Variants in MRTFA observed in about 807,000 individuals in gnomAD.
MRTFA encodes myocardin-related transcription factor A.
A neutral mutation model predicts 83.5 loss-of-function variants in MRTFA; 20 were observed. That is an observed-to-expected ratio of 0.24 (90% CI 0.17 to 0.35). MRTFA has a LOEUF of 0.35. Among genes scored for constraint, MRTFA ranks in the 10% least tolerant of loss-of-function variants. The probability of loss-of-function intolerance (pLI) is 1.00; values close to 1 mark genes in which losing one functional copy is unlikely to be tolerated. For synonymous variants in MRTFA, 659 were observed against 541.2 expected (o/e 1.22, Z -3.02); for missense variants, 1,200 against 1,224.7 (o/e 0.98, Z 0.30).
chr22:40,546,441 G>C (rs1200604139), intron 3 of MRTFA, among the ~76,000 whole-genome samples: 1 of 152,210 alleles, frequency 6.6e-6, no homozygotes, highest in Non-Finnish European at 1.5e-5. Flanking sequence ...TGGAGGAAAA[G>C]TTTCAAGTCT....
chr22:40,436,796 G>A (rs964634906), intron 4 of MRTFA, among the ~76,000 whole-genome samples: 1 of 152,214 alleles, frequency 6.6e-6, no homozygotes, highest in East Asian at 1.9e-4. Flanking sequence ...CCAAAGAGCT[G>A]TGAAACTGCG....
At chr22:40,581,244 C>A (rs2055942524) in intron 2 of MRTFA, among the ~76,000 whole-genome samples, 1 of 152,170 alleles carries the variant, frequency 6.6e-6, no homozygotes, top group Admixed American at 6.6e-5. Flanking sequence ...TTATCCATTT[C>A]TCTGTAGCTT....
At chr22:40,604,465 C>T (rs1304178516) in intron 1 of MRTFA, among the ~76,000 whole-genome samples, 4 of 151,006 alleles carry the variant, frequency 2.6e-5, no homozygotes, top group Non-Finnish European at 5.9e-5. Context: ...TACCTAAATA[C>T]TGGCCAAGCG....
chr22:40,508,513 CAAAAAAAAAAAAAAAA>C (rs1175724448), intron 3 of MRTFA, among the ~76,000 whole-genome samples: 1 of 26,040 alleles, frequency 3.8e-5, no homozygotes, highest in South Asian at 2.1e-3. Context: ...CTCCGTCTCT[CAAAAAAAAAAAAAAAA>C]AAAAAAAAAA....
chr22:40,621,094 T>C (rs1377156757), intron 1 of MRTFA, among the ~76,000 whole-genome samples: 2 of 151,588 alleles, frequency 1.3e-5, no homozygotes. Flanking sequence ...GGCAGGAGAA[T>C]TGCTTGAGCC....
intron 4 of MRTFA, among the ~76,000 whole-genome samples, chr22:40,457,143 T>G (rs1365761883): frequency 1.3e-5 from 2 of 152,150 alleles, no homozygotes; most frequent in Non-Finnish European, 2.9e-5. Context: ...GGTGGGCAGA[T>G]CACCTGAGGT....
intron 3 of MRTFA, among the ~76,000 whole-genome samples, chr22:40,466,895 G>A (rs2053820256): frequency 6.6e-6 from 1 of 151,978 alleles, no homozygotes; most frequent in Non-Finnish European, 1.5e-5. Context: ...CAAGTTTTCT[G>A]TGGAGATTAC....
At chr22:40,555,273 T>C (rs777295612) in intron 2 of MRTFA, among the ~76,000 whole-genome samples, 1 of 152,210 alleles carries the variant, frequency 6.6e-6, no homozygotes, top group Non-Finnish European at 1.5e-5. Flanking sequence ...CTGATATTTG[T>C]CCCACCCAAA....
rs776339457 is a variant in MRTFA, at chr22:40,419,283, G to T, written c.1455C>A (p.Ser485Arg). 5.0e-6 allele frequency: 8 copies of T among 1,613,718 alleles called. No homozygotes were observed. The highest frequency in any genetic ancestry group is 6.8e-6 in the Non-Finnish European group (8 of 1,179,960). The change falls in exon 12 of 15, where the codon AGC becomes AGA. Residue 485 changes from serine (S) to arginine (R), a missense_variant. Around this residue, in one of 2 missense-constraint regions of MRTFA, gnomAD observed 1,107 missense variants for 1,041.8 expected, o/e 1.06. Coordinates refer to ENST00000355630, the MANE Select transcript of MRTFA (RefSeq NM_020831.6). ...GGGCCTTGGGGGCTCCTGGCACAGG[G>T]CTGATTTGGTCTTGATAGGCTCGAA...
rs55787923 is a variant in MRTFA, at chr22:40,563,503, G to GAA, written c.-21-11138_-21-11137dup. 6.5e-3 allele frequency among the ~76,000 whole-genome samples: 582 copies of GAA among 89,874 alleles called. 4 individuals carry two copies. The highest frequency in any genetic ancestry group is 0.039 in the Middle Eastern group (6 of 154). The allele number at this position is 89,874 out of a possible 152,430, so 59.0% of individuals were successfully genotyped here. A position where few individuals can be genotyped will look rare whatever the true frequency, so the allele number is the denominator to read the frequency against. On this transcript the variant is annotated intron_variant, in intron 2 of 14. Coordinates refer to ENST00000355630, the MANE Select transcript of MRTFA (RefSeq NM_020831.6). ...TATATACAAAGTCAGCACAGATACA[G>GAA]AAAAAAAAAAAAAAAAAGGAAAGAG...
chr22:40,459,400 C>T (rs1341923913), intron 4 of MRTFA, among the ~76,000 whole-genome samples: 1 of 152,068 alleles, frequency 6.6e-6, no homozygotes, highest in Non-Finnish European at 1.5e-5. Flanking sequence ...CTACTTCCTT[C>T]TCTAGAAAAG....
At chr22:40,517,406 G>A (rs1288788940) in intron 3 of MRTFA, among the ~76,000 whole-genome samples, 1 of 152,132 alleles carries the variant, frequency 6.6e-6, no homozygotes, top group Non-Finnish European at 1.5e-5. Flanking sequence ...CCTATCAACA[G>A]CTAACATACA....
chr22:40,611,621 A>G (rs554518052), intron 1 of MRTFA, among the ~76,000 whole-genome samples: 8 of 152,330 alleles, frequency 5.3e-5, no homozygotes, highest in African/African-American at 1.9e-4. Context: ...AGCATGGGAC[A>G]GGAAAGCTGT....
chr22:40,509,493 A>G (rs949717391), intron 3 of MRTFA, among the ~76,000 whole-genome samples: 2 of 152,202 alleles, frequency 1.3e-5, no homozygotes, highest in Non-Finnish European at 1.5e-5. Flanking sequence ...GCCTAAGGCT[A>G]TTTTCCCTAA....
At chr22:40,447,261 G>A (rs1311152420) in intron 4 of MRTFA, among the ~76,000 whole-genome samples, 2 of 151,874 alleles carry the variant, frequency 1.3e-5, no homozygotes, top group East Asian at 1.9e-4. Context: ...GCCGAGGCAG[G>A]AGGACTGTTT....
At chr22:40,486,296 T>G (rs1389046219) in intron 3 of MRTFA, among the ~76,000 whole-genome samples, 1 of 152,206 alleles carries the variant, frequency 6.6e-6, no homozygotes, top group Non-Finnish European at 1.5e-5. Context: ...GAACAGGAAA[T>G]GATTCGATTA....
At chr22:40,561,193 T>C (rs1348851257) in intron 2 of MRTFA, among the ~76,000 whole-genome samples, 1 of 143,936 alleles carries the variant, frequency 6.9e-6, no homozygotes, top group Non-Finnish European at 1.5e-5. Context: ...GGTATGGGTA[T>C]CTCTGTGTGT....
chr22:40,457,494 GAA>G (rs2053616667), intron 4 of MRTFA, among the ~76,000 whole-genome samples: 1 of 150,784 alleles, frequency 6.6e-6, no homozygotes, highest in East Asian at 2.0e-4. Context: ...AAGAAGGAAA[GAA>G]AGAAAGAGAA....
At chr22:40,620,423 CTTTTTTTTTTT>C (rs747409456) in intron 1 of MRTFA, among the ~76,000 whole-genome samples, 1 of 94,180 alleles carries the variant, frequency 1.1e-5, no homozygotes, top group Non-Finnish European at 2.0e-5. Flanking sequence ...AACATGCAGT[CTTTTTTTTTTT>C]TTTTTTTTTT....
Sources: gnomAD v4.1 joint callset for allele counts (sites outside exome capture counted in the v4.1 genomes callset) on GRCh38, gnomAD v4.1.1 for gene constraint, gnomAD v4.1.1 regional missense constraint, MANE v1.5 for transcripts, NCBI Gene and HGNC (gene_info 2026-07-23, HGNC 2026-07-21) for gene names.